EXOC6B: variants seen among roughly 807,000 people sequenced by gnomAD.
EXOC6B encodes SEC15 homolog B.
In EXOC6B, 54 loss-of-function variants were observed where a neutral mutation model predicts 113.5. The ratio of observed to expected loss-of-function variants is 0.48; its 90% CI spans 0.38 to 0.60. EXOC6B has a LOEUF of 0.60. Ranked by LOEUF, EXOC6B falls within the 20% of genes least tolerant of loss-of-function variation. The pLI is 0.00. For missense variants in EXOC6B, 797 were observed against 977.5 expected (o/e 0.82, Z 2.46); for synonymous variants, 357 against 339.0 (o/e 1.05, Z -0.58).
intron 3 of EXOC6B, among the ~76,000 whole-genome samples, chr2:72,731,986 T>G (rs1448913868): frequency 1.3e-5 from 2 of 152,208 alleles, no homozygotes; most frequent in Admixed American, 1.3e-4. Context: ...CTATGTAAAA[T>G]ACAGCAAATC....
chr2:72,483,025 T>A (rs965772233), intron 16 of EXOC6B, among the ~76,000 whole-genome samples: 1 of 152,176 alleles, frequency 6.6e-6, no homozygotes, highest in East Asian at 1.9e-4. Context: ...TAGTTTTAAT[T>A]CAGAAATTTT....
intron 17 of EXOC6B, among the ~76,000 whole-genome samples, chr2:72,467,898 G>A (rs921504947): frequency 6.6e-6 from 1 of 152,000 alleles, no homozygotes; most frequent in African/African-American, 2.4e-5. Context: ...ACCCTCCCGA[G>A]TAGCTGGGAT....
intron 6 of EXOC6B, among the ~76,000 whole-genome samples, chr2:72,612,533 T>C (rs562023679): frequency 2.6e-5 from 4 of 152,166 alleles, no homozygotes; most frequent in Non-Finnish European, 5.9e-5. Context: ...ACAAAAGTCA[T>C]CAGGTGAGGT....
chr2:72,699,718 T>G (rs1353945595), intron 6 of EXOC6B, among the ~76,000 whole-genome samples: 1 of 152,048 alleles, frequency 6.6e-6, no homozygotes, highest in Non-Finnish European at 1.5e-5. Context: ...AAAAACAATG[T>G]TATAGTACTG....
intron 1 of EXOC6B, among the ~76,000 whole-genome samples, chr2:72,801,000 T>C (rs926651058): frequency 9.9e-5 from 15 of 152,160 alleles, no homozygotes; most frequent in South Asian, 2.1e-4. Context: ...TAAAGAAACA[T>C]TAAAAACATT....
intron 6 of EXOC6B, among the ~76,000 whole-genome samples, chr2:72,651,682 G>A (rs753573472): frequency 3.0e-4 from 45 of 152,030 alleles, no homozygotes; most frequent in Non-Finnish European, 6.0e-4. Context: ...TGCAAGCTCC[G>A]CCTCCCAGGT....
At chr2:72,241,309 A>T (rs1439925335) in intron 20 of EXOC6B, among the ~76,000 whole-genome samples, 1 of 152,248 alleles carries the variant, frequency 6.6e-6, no homozygotes, top group Non-Finnish European at 1.5e-5. Context: ...ATGTCAATGG[A>T]AACTTCAAAA....
intron 8 of EXOC6B, among the ~76,000 whole-genome samples, chr2:72,517,556 CTG>C (rs1285814567): frequency 2.0e-5 from 3 of 152,088 alleles, no homozygotes; most frequent in Non-Finnish European, 4.4e-5. Context: ...TAAGAGGAAA[CTG>C]TTAGTTGGTT....
chr2:72,420,316 C>T (rs1694797166), intron 18 of EXOC6B, among the ~76,000 whole-genome samples: 3 of 151,988 alleles, frequency 2.0e-5, no homozygotes, highest in Admixed American at 6.5e-5. Flanking sequence ...TATACACGTG[C>T]CATAGTGGAT....
intron 20 of EXOC6B, among the ~76,000 whole-genome samples, chr2:72,185,863 T>A (rs1414240095): frequency 6.6e-6 from 1 of 152,026 alleles, no homozygotes; most frequent in South Asian, 2.1e-4. Flanking sequence ...ATTTACATTA[T>A]GTATATCTCC....
At chr2:72,723,796 T>C (rs1680149166) in intron 5 of EXOC6B, among the ~76,000 whole-genome samples, 2 of 147,394 alleles carry the variant, frequency 1.4e-5, no homozygotes, top group Non-Finnish European at 3.0e-5. Flanking sequence ...GGAACAGACA[T>C]GATCTCTCAC....
intron 19 of EXOC6B, among the ~76,000 whole-genome samples, chr2:72,353,371 TGTATTGTATC>T (rs1226889746): frequency 6.6e-6 from 1 of 151,840 alleles, no homozygotes; most frequent in African/African-American, 2.4e-5. Flanking sequence ...TGTATTGTAT[TGTATTGTATC>T]GTATTTTTGA....
At chr2:72,644,538 G>C (rs1174228126) in intron 6 of EXOC6B, among the ~76,000 whole-genome samples, 2 of 152,204 alleles carry the variant, frequency 1.3e-5, no homozygotes, top group Non-Finnish European at 1.5e-5. Flanking sequence ...CAACCAGAGA[G>C]AAAGGTCAGG....
At chr2:72,552,391 T>C (rs1703289387) in intron 8 of EXOC6B, among the ~76,000 whole-genome samples, 1 of 152,132 alleles carries the variant, frequency 6.6e-6, no homozygotes, top group South Asian at 2.1e-4. Flanking sequence ...AAGGAGTCAG[T>C]GTGTGGCAAA....
chr2:72,453,502 A>G (rs951537680), intron 18 of EXOC6B, among the ~76,000 whole-genome samples: 14 of 152,146 alleles, frequency 9.2e-5, no homozygotes, highest in Admixed American at 5.2e-4. Context: ...CACTATGAAC[A>G]TGTTTTTACA....
At chr2:72,405,244 A>G (rs1693650457) in intron 18 of EXOC6B, among the ~76,000 whole-genome samples, 1 of 152,246 alleles carries the variant, frequency 6.6e-6, no homozygotes, top group African/African-American at 2.4e-5. Flanking sequence ...CTTGAAAGTG[A>G]CAGGGAGAAT....
chr2:72,275,194 G>A (rs1684740729), intron 20 of EXOC6B, among the ~76,000 whole-genome samples: 1 of 152,148 alleles, frequency 6.6e-6, no homozygotes, highest in Non-Finnish European at 1.5e-5. Flanking sequence ...ACAAGATAGA[G>A]TTAAAGTTTA....
At chr2:72,689,840 A>G (rs1040155105) in intron 6 of EXOC6B, among the ~76,000 whole-genome samples, 1 of 152,224 alleles carries the variant, frequency 6.6e-6, no homozygotes, top group Non-Finnish European at 1.5e-5. Flanking sequence ...TTTCTGGGAC[A>G]ATTAAAGAGA....
chr2:72,793,041 G>A (rs1014254805), intron 1 of EXOC6B, among the ~76,000 whole-genome samples: 1 of 152,000 alleles, frequency 6.6e-6, no homozygotes, highest in Admixed American at 6.6e-5. Flanking sequence ...TTTCATTGTT[G>A]TATAATATTC....
Sources: allele counts gnomAD v4.1 joint callset (sites outside exome capture counted in the v4.1 genomes callset), GRCh38; gene constraint gnomAD v4.1.1; transcripts MANE v1.5; gene names NCBI Gene and HGNC (gene_info 2026-07-23, HGNC 2026-07-21).